Variants in FAM53C observed in about 807,000 individuals in gnomAD.
The protein encoded by FAM53C is protein FAM53C.
A neutral mutation model predicts 34.7 loss-of-function variants in FAM53C; 10 were observed. That is an observed-to-expected ratio of 0.29 (90% CI 0.18 to 0.49). The LOEUF (loss-of-function observed/expected upper bound fraction) is 0.49. FAM53C is among the 20% of genes least tolerant of loss of function. The pLI, the probability that FAM53C is intolerant of heterozygous loss-of-function variation, is 0.99. For missense variants in FAM53C, 442 were observed against 515.3 expected, an observed-to-expected ratio of 0.86 and a Z score of 1.38; for synonymous variants, 203 against 203.6, an observed-to-expected ratio of 1.00 and a Z score of 0.03.
In FAM53C at chr5:138,346,872, G is replaced by C; in HGVS notation, c.1092G>C (p.Val364=). The change falls in exon 5 of 5, where the codon GTG becomes GTC. Residue 364 remains valine, a synonymous_variant. Coordinates refer to ENST00000239906, the MANE Select transcript of FAM53C (RefSeq NM_016605.3). ...GCGAAGAGGAGGAGGAGGGGGCTGT[G>C]CGGTGGGGTCGGCAGGCGCTGAGCA... ...SESEEEEEGA[V]RWGRQALSKR... 1 of 1,614,188 alleles carries C rather than the reference G, an allele frequency of 6.2e-7. No individual in the cohort carries two copies. The highest frequency in any genetic ancestry group is 8.5e-7 in the Non-Finnish European group (1 of 1,180,044).
At position 138,346,741 on chromosome 5, in the gene FAM53C, C is replaced by A; in HGVS notation, c.961C>A (p.Arg321=). 1 of 1,614,156 alleles carries A rather than the reference C, an allele frequency of 6.2e-7. No homozygotes were observed. The highest frequency in any genetic ancestry group is 8.5e-7 in the Non-Finnish European group (1 of 1,180,038). ...AGGTCTTTGTCTCCAAGAAACAGCC[C>A]GGGAAGGCAGCAGCATCTCTCCACC... The part of the protein sequence containing the change: ...SGGLCLQETA[R]EGSSISPPWF... Residue 321 remains arginine, a synonymous_variant, in exon 5 of 5, where the codon CGG becomes AGG. Coordinates refer to ENST00000239906, the MANE Select transcript of FAM53C (RefSeq NM_016605.3).
upstream of FAM53C, chr5:138,337,973 TCCCCC>T: frequency 7.8e-7 from 1 of 1,289,444 alleles, no homozygotes; most frequent in Non-Finnish European, 1.0e-6. Context: ...CGACATGGCC[TCCCCC>T]GCGGGTTTCA....
intron 1 of FAM53C, among the ~76,000 whole-genome samples, chr5:138,338,833 C>T (rs1246240782): frequency 6.6e-6 from 1 of 152,250 alleles, no homozygotes. Flanking sequence ...TTTCTTCAGT[C>T]TCCCCAGGAG....
intron 1 of FAM53C, among the ~76,000 whole-genome samples, chr5:138,338,596 C>G (rs903321964): frequency 2.0e-5 from 3 of 150,536 alleles, no homozygotes; most frequent in Admixed American, 6.6e-5. Flanking sequence ...CGCACCCCCC[C>G]CCCCGCCCCG....
At position 138,341,292 on chromosome 5, in the gene FAM53C, C is replaced by T. The variant is rs1761025555; in HGVS notation, c.-44C>T. On this transcript the variant is annotated 5_prime_UTR_variant, in exon 2 of 5. Coordinates refer to ENST00000239906, the MANE Select transcript of FAM53C (RefSeq NM_016605.3). Reference sequence around the variant, plus strand: ...CTGGAAGAACAACAGGGAAGACATCCATCATTTGCTCCAAAGTGTGCAAGT... The same window carrying T: ...CTGGAAGAACAACAGGGAAGACATCTATCATTTGCTCCAAAGTGTGCAAGT... 4 of 1,503,446 alleles carry T rather than the reference C, an allele frequency of 2.7e-6. No individual in the cohort carries two copies. Among genetic ancestry groups the T allele is most frequent in the Non-Finnish European group, 1.9e-6 (2 of 1,078,964 alleles). The allele number at this position is 1,503,446 out of a possible 1,614,324, so 93.1% of individuals were successfully genotyped here. A position where few individuals can be genotyped will look rare whatever the true frequency, so the allele number is the denominator to read the frequency against.
Position 138,341,726 on chromosome 5 carries a change from CA to C in FAM53C, c.79-82del. ...TAACATCCCTGTAGCTCATGAATCG[CA>C]GAGGAGAACTGAAGAGGGCTTCCTA... On this transcript the variant is annotated intron_variant, in intron 2 of 4. Coordinates refer to ENST00000239906, the MANE Select transcript of FAM53C (RefSeq NM_016605.3). The C allele has an allele frequency of 3.2e-6, 4 of 1,234,174 alleles. No homozygotes were observed. The South Asian group carries it at 4.8e-5, about 15-fold the overall frequency. 76.5% of individuals were successfully genotyped at this position (1,234,174 alleles called of 1,614,324 possible).
intron 1 of FAM53C, among the ~76,000 whole-genome samples, chr5:138,338,899 T>C (rs555503620): frequency 6.6e-6 from 1 of 152,342 alleles, no homozygotes; most frequent in South Asian, 2.1e-4. Flanking sequence ...CTCTCCTCCC[T>C]GTTGGCCTGA....
intron 1 of FAM53C, 94 bp from the exon 2 acceptor site, chr5:138,341,090 C>T: frequency 1.7e-6 from 1 of 602,108 alleles, no homozygotes. Context: ...AGAGGCCTGG[C>T]TTAGGGGTGC....
intron 2 of FAM53C, 149 bp from the exon 3 acceptor site, chr5:138,341,660 A>T: frequency 1.3e-6 from 1 of 785,836 alleles, no homozygotes; most frequent in East Asian, 2.5e-5. Context: ...TGTTTGACTT[A>T]CTAACTTTGG....
chr5:138,346,841 G>A lies in FAM53C; in HGVS notation c.1061G>A (p.Ser354Asn), dbSNP rs143642448. ...ACTGGGGGTTCCTCCCAGGTGCTGA[G>A]TGAAAGCGAAGAGGAGGAGGAGGGG... ...SPTGGSSQVLSESEEEEEGAV... is the reference protein window; with the variant it reads ...SPTGGSSQVLNESEEEEEGAV... Residue 354 changes from serine (S) to asparagine (N), a missense_variant, in exon 5 of 5, where the codon AGT becomes AAT. Ser to Asn is a conservative substitution (Grantham distance 46). Transcript: ENST00000239906. 1.9e-6 allele frequency: 3 copies of A among 1,614,056 alleles called. No homozygotes were observed. In the African/African-American group the frequency reaches 4.0e-5, roughly 22 times the overall value.
rs1761206638 is a variant in FAM53C, at chr5:138,347,279, T to A, written c.*320T>A. On this transcript the variant is annotated 3_prime_UTR_variant, in exon 5 of 5. Coordinates refer to ENST00000239906, the MANE Select transcript of FAM53C (RefSeq NM_016605.3). ...GTCTGCCGACCCCAGCTCGGGGAAT[T>A]TCACTAGCCCCTTTGCTTCAAAGGG... 2.6e-6 allele frequency: 1 copy of A among 383,416 alleles called. No individual in the cohort carries two copies. Among genetic ancestry groups the A allele is most frequent in the African/African-American group, 2.1e-5 (1 of 47,724 alleles). The allele number at this position is 383,416 out of a possible 1,614,324, so 23.8% of individuals were successfully genotyped here.
At chr5:138,341,685 G>A in intron 2 of FAM53C, 124 bp from the exon 3 acceptor site, 1 of 894,714 alleles carries the variant, frequency 1.1e-6, no homozygotes, top group Non-Finnish European at 1.9e-6. Flanking sequence ...ACAAGAGGAA[G>A]AACACTTAAT....
chr5:138,344,823 A>G lies in FAM53C; in HGVS notation c.137-2A>G, dbSNP rs1761121900. The G allele has an allele frequency of 6.5e-7, 1 of 1,532,024 alleles. No individual in the cohort carries two copies. The highest frequency in any genetic ancestry group is 1.4e-5 in the African/African-American group (1 of 71,764). The allele number at this position is 1,532,024 out of a possible 1,614,324, so 94.9% of individuals were successfully genotyped here. ...ATTATTCTTATTATAAATGCCTTCC[A>G]GAAGGTGCTTCCTGGAGGGGCCTGC... On this transcript the variant is annotated splice_acceptor_variant, in intron 3 of 4. Coordinates refer to ENST00000239906, the MANE Select transcript of FAM53C (RefSeq NM_016605.3). LOFTEE classifies it high-confidence loss of function.
Position 138,341,327 on chromosome 5 carries a change from G to A in FAM53C, c.-9G>A, listed in dbSNP as rs1761026799. The A allele has an allele frequency of 1.9e-6, 3 of 1,612,958 alleles. No individual in the cohort carries two copies. In the African/African-American group the frequency reaches 4.0e-5, roughly 22 times the overall value. ...TCCAAAGTGTGCAAGTCAAATCCTG[G>A]GGAGAATCATGATAACCCTGATCAC... is the stretch of plus-strand genomic sequence containing the variant. On this transcript the variant is annotated 5_prime_UTR_variant, in exon 2 of 5. It introduces an in-frame stop codon into an upstream open reading frame of the 5' UTR. Transcript: ENST00000239906.
rs758087734 is a variant in FAM53C, at chr5:138,345,043, C to T, written c.355C>T (p.Arg119Cys). The T allele has an allele frequency of 3.5e-5, 56 of 1,613,786 alleles. No homozygotes were observed. The highest frequency in any genetic ancestry group is 5.0e-5 in the Admixed American group (3 of 60,002). ...TGCCCCTCCATCCAAGAGGCACTGC[C>T]GCTCACTCTCAGTGCCCGTGGACCT... Reference protein sequence around the residue: ...PPAPPSKRHCRSLSVPVDLSR... With the variant: ...PPAPPSKRHCCSLSVPVDLSR... Residue 119 changes from arginine (R) to cysteine (C), a missense_variant, in exon 4 of 5, where the codon CGC becomes TGC. Coordinates refer to ENST00000239906, the MANE Select transcript of FAM53C (RefSeq NM_016605.3). The surrounding 1 kb of genome is among the most constrained non-coding windows in gnomAD (Gnocchi z 6.3).
At position 138,346,784 on chromosome 5, in the gene FAM53C, G is replaced by GC. The variant is rs777737520; in HGVS notation, c.1010dup (p.Pro338ThrfsTer18). ...TCTCCACCATGGTTCATGGCCTGTA[G>GC]CCCCCCACCCCTCTCTGCTTCCTGC... On this transcript the variant is annotated frameshift_variant, in exon 5 of 5. Transcript: ENST00000239906. LOFTEE classifies it high-confidence loss of function. The GC allele has an allele frequency of 6.2e-7, 1 of 1,614,144 alleles. No individual in the cohort carries two copies. The highest frequency in any genetic ancestry group is 1.1e-5 in the South Asian group (1 of 91,080).
upstream of FAM53C, chr5:138,338,167 G>A (rs889849064): frequency 9.2e-5 from 119 of 1,289,642 alleles, no homozygotes; most frequent in Non-Finnish European, 1.2e-4. Flanking sequence ...GGTGGCTTGG[G>A]GGGATTCTGC....
At chr5:138,342,050 C>T in intron 3 of FAM53C, 184 bp downstream of exon 3, 1 of 569,704 alleles carries the variant, frequency 1.8e-6, no homozygotes, top group East Asian at 2.8e-5. Flanking sequence ...TTGGTTTGCT[C>T]TTATTCTAGC....
At chr5:138,346,623 CAA>C (rs138126056) in intron 4 of FAM53C, 77 bp from the exon 5 acceptor site, 13 of 1,291,178 alleles carry the variant, frequency 1.0e-5, no homozygotes, top group Admixed American at 6.4e-5. Context: ...GACTCCGTCT[CAA>C]AAAAAAAAAG....
Sources: gnomAD v4.1 joint callset for allele counts (sites outside exome capture counted in the v4.1 genomes callset) on GRCh38, gnomAD v4.1.1 for gene constraint, Gnocchi (gnomAD v3.1) non-coding constraint, MANE v1.5 for transcripts, NCBI Gene and HGNC (gene_info 2026-07-23, HGNC 2026-07-21) for gene names.